The following PUS7 variants were observed in gnomAD, a reference collection of about 807,000 sequenced individuals.
PUS7 encodes the protein pseudouridine synthase 7, also known as pseudouridylate synthase 7 homolog.
A neutral mutation model predicts 79.8 loss-of-function variants in PUS7; 48 were observed. That is an observed-to-expected ratio of 0.60 (90% CI 0.48 to 0.76). PUS7 has a LOEUF of 0.76. Among genes scored for constraint, PUS7 ranks in the 30% least tolerant of loss-of-function variants. PUS7 has a pLI of 0.00. For missense variants in PUS7, 729 were observed against 797.6 expected, an observed-to-expected ratio of 0.91 and a Z score of 1.04; for synonymous variants, 286 against 272.2, an observed-to-expected ratio of 1.05 and a Z score of -0.50.
At chr7:105,464,485 G>T (rs1340023366) in intron 13 of PUS7, among the ~76,000 whole-genome samples, 2 of 152,174 alleles carry the variant, frequency 1.3e-5, no homozygotes, top group East Asian at 3.9e-4. Context: ...TCGGCTGGGG[G>T]CCTGGATGGA....
At chr7:105,498,761 T>C (rs1370414109) in intron 5 of PUS7, among the ~76,000 whole-genome samples, 3 of 152,160 alleles carry the variant, frequency 2.0e-5, no homozygotes, top group Non-Finnish European at 4.4e-5. Context: ...TTTCACCTTC[T>C]CTCTCCATTG....
intron 4 of PUS7, among the ~76,000 whole-genome samples, chr7:105,505,017 T>TC (rs1462786738): frequency 2.0e-5 from 3 of 150,604 alleles, no homozygotes; most frequent in African/African-American, 7.3e-5. Flanking sequence ...TTTTTTTTTT[T>TC]TGATATGGAG....
intron 9 of PUS7, among the ~76,000 whole-genome samples, chr7:105,479,241 T>TTAACC (rs1348008692): frequency 6.6e-6 from 1 of 152,236 alleles, no homozygotes; most frequent in African/African-American, 2.4e-5. Context: ...CCTGAGCTTT[T>TTAACC]TAACCTCCTC....
intron 9 of PUS7, among the ~76,000 whole-genome samples, chr7:105,474,941 G>A (rs1434825140): frequency 6.6e-6 from 1 of 152,156 alleles, no homozygotes; most frequent in Non-Finnish European, 1.5e-5. Context: ...TAACTCCAGA[G>A]CTCAGTACCT....
chr7:105,492,332 CT>C (rs571087893), intron 6 of PUS7, among the ~76,000 whole-genome samples: 52 of 147,136 alleles, frequency 3.5e-4, no homozygotes, highest in African/African-American at 9.0e-4. Flanking sequence ...TAATTCTTCG[CT>C]TTTTTTTTTG....
At chr7:105,475,394 C>A (rs1262359317) in intron 9 of PUS7, among the ~76,000 whole-genome samples, 2 of 151,976 alleles carry the variant, frequency 1.3e-5, no homozygotes, top group South Asian at 2.1e-4. Context: ...ACTGTGTTAG[C>A]CAGGATGGTC....
intron 7 of PUS7, among the ~76,000 whole-genome samples, chr7:105,488,136 A>T (rs571595693): frequency 1.3e-5 from 2 of 152,324 alleles, no homozygotes. Context: ...AGGCAGCAAA[A>T]ATCTGAGGAC....
intron 1 of PUS7, among the ~76,000 whole-genome samples, chr7:105,519,341 C>A (rs940800346): frequency 7.2e-5 from 11 of 151,956 alleles, no homozygotes; most frequent in Admixed American, 7.2e-4. Flanking sequence ...TCCGGCGATT[C>A]TCCTACCTCA....
At chr7:105,474,834 T>C (rs1255915976) in intron 9 of PUS7, among the ~76,000 whole-genome samples, 1 of 152,178 alleles carries the variant, frequency 6.6e-6, no homozygotes, top group Admixed American at 6.5e-5. Context: ...AATTACAGCC[T>C]GCAGGCACAA....
chr7:105,502,010 G>GT (rs1250213004), intron 5 of PUS7, among the ~76,000 whole-genome samples: 8 of 149,320 alleles, frequency 5.4e-5, no homozygotes, highest in African/African-American at 1.7e-4. Context: ...TGCAAAAAAT[G>GT]TGCCACTGGG....
At chr7:105,464,481 G>T (rs2133049060) in intron 13 of PUS7, among the ~76,000 whole-genome samples, 1 of 152,302 alleles carries the variant, frequency 6.6e-6, no homozygotes, top group East Asian at 1.9e-4. Context: ...CCAGTCGGCT[G>T]GGGGCCTGGA....
At chr7:105,490,557 C>T (rs1007272850) in intron 7 of PUS7, among the ~76,000 whole-genome samples, 3 of 152,092 alleles carry the variant, frequency 2.0e-5, no homozygotes, top group African/African-American at 7.2e-5. Flanking sequence ...TACACCAATC[C>T]CCATTTAGAT....
At position 105,487,616 on chromosome 7, in the gene PUS7, C is replaced by T. The variant is rs543249073; in HGVS notation, c.920+3924G>A. On this transcript the variant is annotated intron_variant, in intron 7 of 15. Transcript: ENST00000469408. ...ATTCACAGTTTTAATTATGATGATC[C>T]CAGATCAAGGTCTTTGGTTGTAAAT... Among the ~76,000 whole-genome samples, 12 of 152,152 alleles carry T rather than the reference C, an allele frequency of 7.9e-5. No homozygotes were observed. In the South Asian group the frequency reaches 2.5e-3, roughly 32 times the overall value.
chr7:105,509,789 T>C (rs937174653), intron 1 of PUS7, among the ~76,000 whole-genome samples: 22 of 152,202 alleles, frequency 1.4e-4, no homozygotes, highest in African/African-American at 5.1e-4. Flanking sequence ...ACAGTGCTTT[T>C]ATATTAGCAA....
intron 7 of PUS7, among the ~76,000 whole-genome samples, chr7:105,488,497 G>C (rs1184263612): frequency 6.6e-6 from 1 of 152,208 alleles, no homozygotes; most frequent in Non-Finnish European, 1.5e-5. Context: ...CTTTAAGTCA[G>C]TAATTTCACT....
At chr7:105,494,062 G>A (rs1043508056) in intron 6 of PUS7, among the ~76,000 whole-genome samples, 4 of 152,146 alleles carry the variant, frequency 2.6e-5, no homozygotes, top group Non-Finnish European at 5.9e-5. Context: ...TCCAGTCTCT[G>A]CTATATTTAC....
chr7:105,484,583 C>T (rs918677986), intron 7 of PUS7, among the ~76,000 whole-genome samples: 3 of 151,254 alleles, frequency 2.0e-5, no homozygotes, highest in African/African-American at 7.3e-5. Flanking sequence ...CTTTGGGAGG[C>T]CGAGGCGGGC....
At chr7:105,478,011 G>A (rs1296629006) in intron 9 of PUS7, among the ~76,000 whole-genome samples, 1 of 152,070 alleles carries the variant, frequency 6.6e-6, no homozygotes, top group Non-Finnish European at 1.5e-5. Flanking sequence ...GCCTTGCTAT[G>A]GTGCCCAGGC....
intron 7 of PUS7, among the ~76,000 whole-genome samples, chr7:105,487,498 T>C (rs1824599367): frequency 6.6e-6 from 1 of 152,200 alleles, no homozygotes; most frequent in Non-Finnish European, 1.5e-5. Context: ...TAAATTCCAC[T>C]GGCACAGCAA....
Sources: gnomAD v4.1 joint callset for allele counts (sites outside exome capture counted in the v4.1 genomes callset) on GRCh38, gnomAD v4.1.1 for gene constraint, MANE v1.5 for transcripts, NCBI Gene and HGNC (gene_info 2026-07-23, HGNC 2026-07-21) for gene names.